The following LMBRD1 variants were observed in gnomAD, a reference collection of about 807,000 sequenced individuals.
LMBRD1 encodes the protein lysosomal cobalamin transport escort protein LMBD1.
Under a neutral mutation model 74.8 loss-of-function variants are expected in LMBRD1, and 64 were observed. That is an observed-to-expected ratio of 0.86 (90% confidence interval 0.70 to 1.05). The LOEUF is 1.05. LMBRD1 is among the 50% of genes least tolerant of loss of function. LMBRD1 has a pLI of 0.00. For synonymous variants in LMBRD1, 204 were observed against 216.3 expected, an observed-to-expected ratio of 0.94 and a Z score of 0.50; for missense variants, 652 against 645.9, an observed-to-expected ratio of 1.01 and a Z score of -0.10.
intron 14 of LMBRD1, among the ~76,000 whole-genome samples, chr6:69,678,507 G>C (rs1765593912): frequency 6.6e-6 from 1 of 152,114 alleles, no homozygotes; most frequent in Non-Finnish European, 1.5e-5. Context: ...TTATGTAATT[G>C]AGTGTAAAAT....
rs753092782 is a variant in LMBRD1 at position 69,796,833 on chromosome 6, T to C, written c.49A>G (p.Ile17Val). The change falls in exon 1 of 16, where the codon ATA (isoleucine) becomes GTA (valine). Residue 17 changes from isoleucine to valine, a missense_variant. Transcript: ENST00000649934. ...CCTACCAGTAGTAAGAGGCCGAATATGCACCAGCCGATCACCAGCTCCGCC... is the reference window on the plus strand; with the variant it reads ...CCTACCAGTAGTAAGAGGCCGAATACGCACCAGCCGATCACCAGCTCCGCC... ...ASAELVIGWC[I>V]FGLLLLAILA... 2 of 1,611,700 alleles carry C rather than the reference T, an allele frequency of 1.2e-6. No individual in the cohort carries two copies. The highest frequency in any genetic ancestry group is 1.7e-6 in the Non-Finnish European group (2 of 1,179,168).
At chr6:69,705,847 C>T in intron 9 of LMBRD1, 1 of 1,325,234 alleles carries the variant, frequency 7.5e-7, no homozygotes, top group Non-Finnish European at 1.1e-6. Context: ...TGGCCCTGAA[C>T]CACACTTCAA....
intron 8 of LMBRD1, among the ~76,000 whole-genome samples, chr6:69,717,129 G>A (rs1005601023): frequency 6.6e-6 from 1 of 151,680 alleles, no homozygotes. Flanking sequence ...ATTGTGAATG[G>A]GATTATTTTG....
Position 69,752,330 on chromosome 6 carries a change from C to T in LMBRD1, c.334G>A (p.Val112Met), listed in dbSNP as rs758170894. 2 of 1,609,860 alleles carry T rather than the reference C, an allele frequency of 1.2e-6. No homozygotes were observed. The highest frequency in any genetic ancestry group is 2.2e-5 in the East Asian group (1 of 44,612). ...YTLYSVILFC[V>M]FFWIPFVYFY... The stretch of plus-strand genomic sequence containing the variant: ...TAGACAAAAGGGATCCAGAAGAACA[C>T]ACAGAACAATATAACAGAATATAAA... The change falls in exon 4 of 16, where the codon GTG becomes ATG. Residue 112 changes from valine (V) to methionine (M), a missense_variant. By Grantham distance (21) the Val-to-Met change is conservative. This residue lies in a region of LMBRD1 where 598 missense variants were observed against 581.8 expected (regional missense o/e 1.03). Coordinates refer to ENST00000649934, the MANE Select transcript of LMBRD1 (RefSeq NM_018368.4).
At chr6:69,715,213 A>G (rs1404337639) in intron 8 of LMBRD1, among the ~76,000 whole-genome samples, 1 of 152,114 alleles carries the variant, frequency 6.6e-6, no homozygotes, top group African/African-American at 2.4e-5. Context: ...TATCTTAACC[A>G]TAACAATTTC....
intron 14 of LMBRD1, among the ~76,000 whole-genome samples, chr6:69,694,761 GA>G (rs1243468824): frequency 6.6e-6 from 1 of 152,068 alleles, no homozygotes; most frequent in Admixed American, 6.5e-5. Context: ...AACTGATGGA[GA>G]AAAATTATAC....
chr6:69,744,050 G>C (rs1229631624), intron 5 of LMBRD1, among the ~76,000 whole-genome samples: 1 of 152,150 alleles, frequency 6.6e-6, no homozygotes, highest in East Asian at 1.9e-4. Flanking sequence ...TATCAGTTCT[G>C]AGGAAAGAAA....
chr6:69,732,725 T>G (rs1478304232), intron 7 of LMBRD1, among the ~76,000 whole-genome samples: 1 of 152,158 alleles, frequency 6.6e-6, no homozygotes, highest in Non-Finnish European at 1.5e-5. Flanking sequence ...ATATTTAAAG[T>G]TTTATGGATA....
At chr6:69,688,875 T>C (rs916870514) in intron 14 of LMBRD1, among the ~76,000 whole-genome samples, 28 of 152,262 alleles carry the variant, frequency 1.8e-4, no homozygotes, top group African/African-American at 6.0e-4. Flanking sequence ...GTGTTTACTT[T>C]TCTATGTCAA....
At chr6:69,706,470 T>A (rs910365024) in intron 9 of LMBRD1, among the ~76,000 whole-genome samples, 15 of 152,204 alleles carry the variant, frequency 9.9e-5, no homozygotes, top group Non-Finnish European at 1.0e-4. Flanking sequence ...TTGTAATATA[T>A]CTACTGTTTG....
intron 1 of LMBRD1, among the ~76,000 whole-genome samples, chr6:69,793,541 C>T (rs1766137450): frequency 6.6e-6 from 1 of 151,974 alleles, no homozygotes. Flanking sequence ...TGGTGTGAGC[C>T]AAATTACAGA....
At chr6:69,679,051 A>AAAC (rs1765607605) in intron 14 of LMBRD1, among the ~76,000 whole-genome samples, 2 of 138,996 alleles carry the variant, frequency 1.4e-5, no homozygotes, top group Non-Finnish European at 3.2e-5. Flanking sequence ...AACAAAAAAA[A>AAAC]AAAAACAAAA....
intron 9 of LMBRD1, among the ~76,000 whole-genome samples, chr6:69,704,892 T>G (rs569212364): frequency 1.8e-4 from 25 of 142,526 alleles, no homozygotes; most frequent in South Asian, 9.3e-4. Context: ...CTAGCTTTTT[T>G]GGGATTGGAC....
At chr6:69,726,486 T>C (rs1766738159) in intron 7 of LMBRD1, among the ~76,000 whole-genome samples, 1 of 152,310 alleles carries the variant, frequency 6.6e-6, no homozygotes, top group Non-Finnish European at 1.5e-5. Flanking sequence ...TAAGTGTCCA[T>C]CAACAGATGA....
chr6:69,785,743 T>C (rs1765931082), intron 2 of LMBRD1, among the ~76,000 whole-genome samples: 1 of 152,220 alleles, frequency 6.6e-6, no homozygotes, highest in Non-Finnish European at 1.5e-5. Flanking sequence ...CATATTGCAG[T>C]TAGGAGAAAA....
chr6:69,719,097 T>C lies in LMBRD1; in HGVS notation c.637-16A>G, dbSNP rs761693408. 7.5e-6 allele frequency: 12 copies of C among 1,608,730 alleles called. No homozygotes were observed. The Admixed American group carries it at 1.0e-4, about 13-fold the overall frequency. On this transcript the variant is annotated splice_polypyrimidine_tract_variant and intron_variant, in intron 7 of 15. Coordinates refer to ENST00000649934, the MANE Select transcript of LMBRD1 (RefSeq NM_018368.4). Reference sequence around the variant, plus strand: ...TGCCATAGGCCTAAAAGAAAAACAATTGAAATGTTTTAGAAATAATGTTTC... The same window carrying C: ...TGCCATAGGCCTAAAAGAAAAACAACTGAAATGTTTTAGAAATAATGTTTC...
chr6:69,796,351 G>A (rs569511844), intron 1 of LMBRD1, among the ~76,000 whole-genome samples: 5 of 152,182 alleles, frequency 3.3e-5, no homozygotes, highest in Non-Finnish European at 7.3e-5. Flanking sequence ...TAGCCCCAAG[G>A]GTAGGGAAAA....
In LMBRD1 at chr6:69,790,782, A is replaced by G. The variant is rs189194307; in HGVS notation, c.70-310T>C. ...ACATCACAGTTATAACTAGCTTTGAATATTTTTTTCCCTGTAGATTTTTCC... is the reference window on the plus strand; with the variant it reads ...ACATCACAGTTATAACTAGCTTTGAGTATTTTTTTCCCTGTAGATTTTTCC... On this transcript the variant is annotated intron_variant, in intron 1 of 15. Transcript: ENST00000649934. 445 of 361,572 alleles carry G rather than the reference A, an allele frequency of 1.2e-3. 3 individuals carry two copies. Among genetic ancestry groups the G allele is most frequent in the East Asian group, 0.01 (151 of 14,878 alleles). 22.4% of individuals were successfully genotyped at this position (361,572 alleles called of 1,614,324 possible).
Position 69,676,083 on chromosome 6 carries a change from A to T in LMBRD1, c.*75T>A. ...TGATGAAAGCTAGTTAGCAAATCCTAATGTTAGTTTAATACTTTAAAAATG... is the reference window on the plus strand; with the variant it reads ...TGATGAAAGCTAGTTAGCAAATCCTTATGTTAGTTTAATACTTTAAAAATG... On this transcript the variant is annotated 3_prime_UTR_variant, in exon 16 of 16. Coordinates refer to ENST00000649934, the MANE Select transcript of LMBRD1 (RefSeq NM_018368.4). 1 of 1,185,008 alleles carries T rather than the reference A, an allele frequency of 8.4e-7. No individual in the cohort carries two copies. The highest frequency in any genetic ancestry group is 1.3e-6 in the Non-Finnish European group (1 of 799,682). 73.4% of individuals were successfully genotyped at this position (1,185,008 alleles called of 1,614,324 possible).
Sources: gnomAD v4.1 joint callset for allele counts (sites outside exome capture counted in the v4.1 genomes callset) on GRCh38, gnomAD v4.1.1 for gene constraint, gnomAD v4.1.1 regional missense constraint, MANE v1.5 for transcripts, NCBI Gene and HGNC (gene_info 2026-07-23, HGNC 2026-07-21) for gene names.